The following PRKN variants were observed in gnomAD, a reference collection of about 807,000 sequenced individuals.
The protein encoded by PRKN is E3 ubiquitin-protein ligase parkin.
In PRKN, 56 loss-of-function variants were observed where a neutral mutation model predicts 59.5. That is an observed-to-expected ratio of 0.94 (90% CI 0.76 to 1.18). The LOEUF (loss-of-function observed/expected upper bound fraction) is 1.18. Among genes scored for constraint, PRKN ranks in the 50% most tolerant of loss-of-function variants. PRKN has a pLI of 0.00. For missense variants in PRKN, 657 were observed against 596.4 expected, an observed-to-expected ratio of 1.10 and a Z score of -1.06; for synonymous variants, 250 against 222.1, an observed-to-expected ratio of 1.13 and a Z score of -1.12.
chr6:162,246,863 G>C lies in PRKN; in HGVS notation c.412+15662C>G, dbSNP rs554410610. On this transcript the variant is annotated intron_variant, in intron 3 of 11. Coordinates refer to ENST00000366898, the MANE Select transcript of PRKN (RefSeq NM_004562.3). ...CTAAATAGAATAATAATTCTGGCAA[G>C]TTTTTCTGTAGTAGGTTCTTATATC... Among the ~76,000 whole-genome samples the C allele has an allele frequency of 1.3e-3, 191 of 152,194 alleles. 1 individual carries two copies. Among genetic ancestry groups the C allele is most frequent in the African/African-American group, 4.2e-3 (175 of 41,558 alleles).
At chr6:162,575,879 T>TATCTTGTACA (rs1282361296) in intron 1 of PRKN, among the ~76,000 whole-genome samples, 3 of 152,114 alleles carry the variant, frequency 2.0e-5, no homozygotes, top group Non-Finnish European at 2.9e-5. Flanking sequence ...TTTGCTTGGA[T>TATCTTGTACA]CTCTTGTACA....
chr6:162,177,271 ATAAAT>A (rs1042609813), intron 4 of PRKN, among the ~76,000 whole-genome samples: 44 of 152,318 alleles, frequency 2.9e-4, no homozygotes, highest in African/African-American at 9.4e-4. Context: ...GAGAATGGCT[ATAAAT>A]GATTAAGAGA....
At chr6:162,114,437 TG>T (rs1483410361) in intron 4 of PRKN, among the ~76,000 whole-genome samples, 1 of 151,820 alleles carries the variant, frequency 6.6e-6, no homozygotes, top group African/African-American at 2.4e-5. Flanking sequence ...TCACATCCCT[TG>T]TAAGTTGGAT....
intron 1 of PRKN, among the ~76,000 whole-genome samples, chr6:162,510,406 A>C (rs1777544496): frequency 6.6e-6 from 1 of 152,018 alleles, no homozygotes; most frequent in Non-Finnish European, 1.5e-5. Context: ...AGAGGGCGAC[A>C]CTCCTAGGTA....
intron 1 of PRKN, among the ~76,000 whole-genome samples, chr6:162,614,109 T>C (rs1362706557): frequency 2.0e-5 from 3 of 152,208 alleles, no homozygotes; most frequent in Non-Finnish European, 4.4e-5. Flanking sequence ...AGGAGTCAAA[T>C]GATTCTGACA....
chr6:161,532,627 A>C (rs998920820), intron 9 of PRKN, among the ~76,000 whole-genome samples: 2 of 152,150 alleles, frequency 1.3e-5, no homozygotes, highest in African/African-American at 4.8e-5. Context: ...TTTTTGAATA[A>C]ATGAGTTGAG....
intron 5 of PRKN, among the ~76,000 whole-genome samples, chr6:162,024,218 G>A (rs1487152249): frequency 1.3e-3 from 7 of 5,190 alleles, no homozygotes; most frequent in African/African-American, 5.9e-3. Context: ...TTTTTTTTTT[G>A]ACAGAGTTTC....
chr6:161,642,245 A>G (rs1783771022), intron 7 of PRKN, among the ~76,000 whole-genome samples: 1 of 152,220 alleles, frequency 6.6e-6, no homozygotes, highest in Non-Finnish European at 1.5e-5. Flanking sequence ...CCATAAATGT[A>G]ATCAATATGG....
intron 2 of PRKN, among the ~76,000 whole-genome samples, chr6:162,421,636 C>T (rs1221492640): frequency 6.6e-6 from 1 of 152,132 alleles, no homozygotes; most frequent in East Asian, 1.9e-4. Context: ...CAAATGTCTA[C>T]CAAATTCCTC....
At chr6:161,438,310 T>C (rs1037936498) in intron 9 of PRKN, among the ~76,000 whole-genome samples, 1 of 145,932 alleles carries the variant, frequency 6.9e-6, no homozygotes, top group Admixed American at 7.1e-5. Context: ...CTCCGCCTCC[T>C]GGGTTCAAGT....
chr6:161,925,765 A>C (rs992831424), intron 6 of PRKN, among the ~76,000 whole-genome samples: 2 of 152,170 alleles, frequency 1.3e-5, no homozygotes, highest in Non-Finnish European at 2.9e-5. Context: ...AATATGAATG[A>C]TGTTTAGGAG....
rs200008115 is a variant in PRKN, at chr6:162,394,047, AT to A, written c.171+49262del. Among the ~76,000 whole-genome samples, 329 of 152,174 alleles carry A rather than the reference AT, an allele frequency of 2.2e-3. 5 individuals carry two copies. Among genetic ancestry groups the A allele is most frequent in the East Asian group, 0.016 (81 of 5,182 alleles). On this transcript the variant is annotated intron_variant, in intron 2 of 11. Transcript: ENST00000366898. ...TTATATATTTTCAAAAGTATCCAAA[AT>A]TTTTTTTGTTACACTGTAGTAACTT...
At chr6:161,851,717 C>T (rs567094667) in intron 6 of PRKN, among the ~76,000 whole-genome samples, 1 of 151,156 alleles carries the variant, frequency 6.6e-6, no homozygotes, top group Non-Finnish European at 1.5e-5. Flanking sequence ...AACTCCTGAC[C>T]TCAGGTGATC....
intron 2 of PRKN, among the ~76,000 whole-genome samples, chr6:162,421,596 A>G (rs1005104192): frequency 6.6e-6 from 1 of 152,218 alleles, no homozygotes; most frequent in East Asian, 1.9e-4. Context: ...ATCATTGTCT[A>G]TTAACTCAGG....
At chr6:161,646,914 C>G (rs9355916) in intron 7 of PRKN, among the ~76,000 whole-genome samples, 33,530 of 152,042 alleles carry the variant, frequency 0.22, 4,136 homozygotes, top group Middle Eastern at 0.35. Flanking sequence ...AAATTTGGCC[C>G]CTGTAGGAAA....
chr6:161,907,947 G>C (rs575149965), intron 6 of PRKN, among the ~76,000 whole-genome samples: 7 of 152,078 alleles, frequency 4.6e-5, no homozygotes, highest in African/African-American at 1.7e-4. Context: ...GTGTGGGGGC[G>C]GGTGCCTGTA....
At chr6:162,644,834 T>C (rs1778102701) in intron 1 of PRKN, among the ~76,000 whole-genome samples, 1 of 152,220 alleles carries the variant, frequency 6.6e-6, no homozygotes, top group Non-Finnish European at 1.5e-5. Flanking sequence ...TTGAAGTCCC[T>C]GCACTGACAC....
chr6:161,731,398 G>A (rs1787705285), intron 7 of PRKN, among the ~76,000 whole-genome samples: 1 of 152,154 alleles, frequency 6.6e-6, no homozygotes, highest in Non-Finnish European at 1.5e-5. Flanking sequence ...ATAACTGTAG[G>A]CATTTCTACA....
intron 7 of PRKN, among the ~76,000 whole-genome samples, chr6:161,708,053 T>C (rs893153866): frequency 6.6e-6 from 1 of 152,206 alleles, no homozygotes; most frequent in Non-Finnish European, 1.5e-5. Flanking sequence ...TTTTAGTGTC[T>C]AGAATCATAC....
Sources: gnomAD v4.1 joint callset for allele counts (sites outside exome capture counted in the v4.1 genomes callset) on GRCh38, gnomAD v4.1.1 for gene constraint, MANE v1.5 for transcripts, NCBI Gene and HGNC (gene_info 2026-07-23, HGNC 2026-07-21) for gene names.